The following DPH6 variants were observed in gnomAD, a reference collection of about 807,000 sequenced individuals.
DPH6 encodes diphthine--ammonia ligase.
A neutral mutation model predicts 38.2 loss-of-function variants in DPH6; 33 were observed. The ratio of observed to expected loss-of-function variants is 0.86; its 90% CI spans 0.65 to 1.15. The LOEUF is 1.15. DPH6 is among the 50% of genes most tolerant of loss of function. The pLI is 0.00. For missense variants in DPH6, 325 were observed against 320.0 expected, an observed-to-expected ratio of 1.02 and a Z score of -0.12; for synonymous variants, 108 against 103.0, an observed-to-expected ratio of 1.05 and a Z score of -0.30.
chr15:35,384,230 T>G lies in DPH6; in HGVS notation c.568-2314A>C, dbSNP rs372446655. Among the ~76,000 whole-genome samples, 27 of 152,290 alleles carry G rather than the reference T, an allele frequency of 1.8e-4. 4 individuals are homozygous for G. Among genetic ancestry groups the G allele is most frequent in the East Asian group, 7.7e-4 (4 of 5,190 alleles). The stretch of plus-strand genomic sequence containing the variant: ...AGCTTCTCTATCAGTATCATTGTAA[T>G]GAAAAATACTAAATCATTAACAGAT... On this transcript the variant is annotated intron_variant, in intron 6 of 8. Coordinates refer to ENST00000256538, the MANE Select transcript of DPH6 (RefSeq NM_080650.4).
At chr15:35,250,046 T>C (rs1046929860) in intron 3 of DPH6, among the ~76,000 whole-genome samples, 8 of 151,262 alleles carry the variant, frequency 5.3e-5, no homozygotes, top group African/African-American at 1.2e-4. Flanking sequence ...TACAGGGTGG[T>C]GGGCACCTGT....
intron 3 of DPH6, among the ~76,000 whole-genome samples, chr15:35,272,924 CA>C (rs1348817426): frequency 1.3e-5 from 2 of 150,950 alleles, no homozygotes; most frequent in African/African-American, 4.9e-5. Flanking sequence ...AAAAACAAAC[CA>C]AAAAGAATGT....
At chr15:35,361,525 CCT>C (rs1479464446) in intron 3 of DPH6, among the ~76,000 whole-genome samples, 1 of 148,384 alleles carries the variant, frequency 6.7e-6, no homozygotes, top group Non-Finnish European at 1.5e-5. Context: ...TTTTTTTTTC[CCT>C]CTCTTATCCT....
intron 3 of DPH6, among the ~76,000 whole-genome samples, chr15:35,343,579 C>T (rs546177003): frequency 4.9e-4 from 75 of 152,020 alleles, no homozygotes; most frequent in Non-Finnish European, 8.1e-4. Flanking sequence ...CTCATGATTC[C>T]GTAACTACTT....
At chr15:35,295,125 G>A (rs1156504623) in intron 3 of DPH6, among the ~76,000 whole-genome samples, 1 of 152,164 alleles carries the variant, frequency 6.6e-6, no homozygotes, top group African/African-American at 2.4e-5. Flanking sequence ...CTGTGAAGAA[G>A]GCTAATATGG....
intron 3 of DPH6, among the ~76,000 whole-genome samples, chr15:35,507,701 T>C (rs1205528731): frequency 6.6e-6 from 1 of 152,098 alleles, no homozygotes; most frequent in Non-Finnish European, 1.5e-5. Flanking sequence ...TCCAGTGTGA[T>C]TTAGTAAATC....
At chr15:35,421,339 C>T (rs1388777538) in intron 5 of DPH6, among the ~76,000 whole-genome samples, 1 of 152,138 alleles carries the variant, frequency 6.6e-6, no homozygotes, top group East Asian at 1.9e-4. Flanking sequence ...TATTTTACTT[C>T]TGTGTAACAC....
chr15:35,517,085 T>C (rs2054857850), intron 3 of DPH6, among the ~76,000 whole-genome samples: 1 of 152,138 alleles, frequency 6.6e-6, no homozygotes, highest in South Asian at 2.1e-4. Context: ...GCTTGCTATT[T>C]TTTTCAGGTT....
intron 3 of DPH6, among the ~76,000 whole-genome samples, chr15:35,339,911 C>G (rs2052407249): frequency 6.6e-6 from 1 of 152,136 alleles, no homozygotes; most frequent in African/African-American, 2.4e-5. Flanking sequence ...TAGTCCACAG[C>G]TGAGTTCAGG....
chr15:35,350,631 G>C (rs1270850850), intron 3 of DPH6, among the ~76,000 whole-genome samples: 1 of 151,956 alleles, frequency 6.6e-6, no homozygotes, highest in East Asian at 1.9e-4. Flanking sequence ...GCTATGTTCT[G>C]TTTTCATTTT....
At chr15:35,326,112 A>G (rs1222873041), downstream of DPH6, among the ~76,000 whole-genome samples, 2 of 152,200 alleles carry the variant, frequency 1.3e-5, no homozygotes, top group African/African-American at 4.8e-5. Flanking sequence ...AATTGGCACT[A>G]TGAGTTTAGA....
chr15:35,303,392 T>C (rs1441041511), intron 3 of DPH6, among the ~76,000 whole-genome samples: 4 of 151,956 alleles, frequency 2.6e-5, no homozygotes, highest in Admixed American at 6.6e-5. Context: ...ACATTCATTA[T>C]TTAATTTCTT....
intron 3 of DPH6, among the ~76,000 whole-genome samples, chr15:35,344,704 G>C (rs1018457791): frequency 2.6e-5 from 4 of 151,808 alleles, no homozygotes; most frequent in African/African-American, 9.7e-5. Context: ...TAGGTAACTG[G>C]ACTCCATACT....
At chr15:35,395,694 T>C (rs1203729725) in intron 6 of DPH6, among the ~76,000 whole-genome samples, 1 of 152,188 alleles carries the variant, frequency 6.6e-6, no homozygotes, top group Admixed American at 6.6e-5. Context: ...GCATCTTCCA[T>C]CTTTTAGCTC....
chr15:35,454,921 C>G, intron 3 of DPH6, 101 bp from the exon 4 acceptor site: 1 of 816,586 alleles, frequency 1.2e-6, no homozygotes, highest in Non-Finnish European at 1.9e-6. Context: ...ATCTAGAAAA[C>G]TACCTCAAAC....
intron 3 of DPH6, among the ~76,000 whole-genome samples, chr15:35,476,895 T>A (rs902934082): frequency 3.3e-5 from 5 of 151,858 alleles, no homozygotes; most frequent in Non-Finnish European, 5.9e-5. Flanking sequence ...AACACTGGCT[T>A]TTCTTTTCAT....
At chr15:35,158,713 C>T in the DPH6 span, among the ~76,000 whole-genome samples, 3 of 151,996 alleles carry the variant, frequency 2.0e-5, no homozygotes, top group East Asian at 1.9e-4. Flanking sequence ...AAAAATTGAA[C>T]GCCTACATAC....
chr15:35,217,029 C>T (rs2051414257), downstream of DPH6, among the ~76,000 whole-genome samples: 1 of 152,114 alleles, frequency 6.6e-6, no homozygotes, highest in Admixed American at 6.5e-5. Flanking sequence ...AAAGTATTTT[C>T]TCCTTAAAAT....
chr15:35,442,397 A>G (rs1462315550), intron 5 of DPH6, among the ~76,000 whole-genome samples: 2 of 152,204 alleles, frequency 1.3e-5, no homozygotes, highest in Non-Finnish European at 2.9e-5. Flanking sequence ...TAGGATGTGA[A>G]AACCTGGAAC....
Sources: allele counts gnomAD v4.1 joint callset (sites outside exome capture counted in the v4.1 genomes callset), GRCh38; gene constraint gnomAD v4.1.1; transcripts MANE v1.5; gene names NCBI Gene and HGNC (gene_info 2026-07-23, HGNC 2026-07-21).